Variants in TRPA1 observed in about 807,000 individuals in gnomAD.
TRPA1 encodes the protein ankyrin-like with transmembrane domains 1.
In TRPA1, 129 loss-of-function variants were observed where a neutral mutation model predicts 131.3. The observed-to-expected ratio is 0.98, with a 90% CI of 0.85 to 1.14. The LOEUF is 1.14. Among genes scored for constraint, TRPA1 ranks in the 50% most tolerant of loss-of-function variants. TRPA1 has a pLI of 0.00. For synonymous variants in TRPA1, 441 were observed against 451.7 expected (o/e 0.98, Z 0.30); for missense variants, 1,304 against 1,354.2 (o/e 0.96, Z 0.58).
chr8:72,055,034 C>T lies in TRPA1; in HGVS notation c.1529+402G>A, dbSNP rs541966126. 1.1e-4 allele frequency: 18 copies of T among 164,114 alleles called. No homozygotes were observed. The East Asian group carries it at 3.0e-3, about 27-fold the overall frequency. 10.2% of individuals were successfully genotyped at this position (164,114 alleles called of 1,614,324 possible). Reference sequence around the variant, plus strand: ...TTGAATGAAAAGTAGAGTATTTGAACTTGTATGTTTTGTGTGTGTGTGTAC... The same window carrying T: ...TTGAATGAAAAGTAGAGTATTTGAATTTGTATGTTTTGTGTGTGTGTGTAC... On this transcript the variant is annotated intron_variant, in intron 12 of 26. Coordinates refer to ENST00000262209, the MANE Select transcript of TRPA1 (RefSeq NM_007332.3).
At chr8:72,053,001 T>TAGAGAA (rs1289515157) in intron 13 of TRPA1, 5 of 196,082 alleles carry the variant, frequency 2.5e-5, no homozygotes, top group Non-Finnish European at 4.6e-5. Context: ...GTGTGAGAGA[T>TAGAGAA]AGAGAAAGAG....
chr8:72,084,647 ATTTTT>A, the TRPA1 span, among the ~76,000 whole-genome samples: 1 of 104,984 alleles, frequency 9.5e-6, no homozygotes, highest in African/African-American at 3.7e-5. Context: ...TAAAATGATA[ATTTTT>A]TTTTTTTTTT....
At chr8:72,033,043 G>T (rs916001046) in intron 23 of TRPA1, among the ~76,000 whole-genome samples, 1 of 152,206 alleles carries the variant, frequency 6.6e-6, no homozygotes, top group Non-Finnish European at 1.5e-5. Flanking sequence ...CATGTGGAAG[G>T]GCACTCTAAT....
At chr8:72,024,054 G>T (rs1811494394) in intron 25 of TRPA1, 143 bp from the exon 26 acceptor site, 1 of 632,774 alleles carries the variant, frequency 1.6e-6, no homozygotes, top group Non-Finnish European at 2.9e-6. Context: ...TCTGCTAGGA[G>T]AAAGAGACAT....
rs1380513879 is a variant in TRPA1, at chr8:72,047,218, GAAA to G, written c.1906-14_1906-12del. ...GAAATCTAAAAGTACCTTTGAAAGA[GAAA>G]AACCAGCTAAGATATTGGGGCAGTA... On this transcript the variant is annotated splice_polypyrimidine_tract_variant and intron_variant, in intron 15 of 26. Coordinates refer to ENST00000262209, the MANE Select transcript of TRPA1 (RefSeq NM_007332.3). The G allele has an allele frequency of 1.2e-6, 2 of 1,608,280 alleles. No homozygotes were observed. The highest frequency in any genetic ancestry group is 8.5e-7 in the Non-Finnish European group (1 of 1,175,434).
intron 1 of TRPA1, among the ~76,000 whole-genome samples, chr8:72,074,672 A>G (rs559817659): frequency 3.9e-5 from 6 of 152,174 alleles, no homozygotes; most frequent in Non-Finnish European, 8.8e-5. Flanking sequence ...CGATAACTGC[A>G]TAAGTAATAG....
At chr8:72,036,688 G>A (rs892831163) in intron 20 of TRPA1, among the ~76,000 whole-genome samples, 3 of 152,198 alleles carry the variant, frequency 2.0e-5, no homozygotes, top group Non-Finnish European at 2.9e-5. Flanking sequence ...ATGGGAATCC[G>A]ACGCCTAAGG....
intron 23 of TRPA1, among the ~76,000 whole-genome samples, chr8:72,032,833 A>G (rs542296387): frequency 4.7e-4 from 71 of 152,318 alleles, no homozygotes; most frequent in African/African-American, 1.6e-3. Flanking sequence ...TTCCTTTCCA[A>G]AAGCACTGCC....
chr8:72,071,609 T>G (rs1806061764), intron 2 of TRPA1, 102 bp downstream of exon 2: 1 of 1,327,490 alleles, frequency 7.5e-7, no homozygotes, highest in African/African-American at 1.4e-5. Context: ...AGGCTCTTTA[T>G]AATTAGCACT....
chr8:72,086,210 T>G, the TRPA1 span, among the ~76,000 whole-genome samples: 479 of 152,288 alleles, frequency 3.1e-3, 2 homozygotes, highest in Admixed American at 5.7e-3. Context: ...CCTTGCACAT[T>G]CTACTTTTTC....
At chr8:72,063,006 T>G in intron 5 of TRPA1, 62 bp from the exon 6 acceptor site, 1 of 1,480,982 alleles carries the variant, frequency 6.8e-7, no homozygotes. Context: ...GGAGGTTTTT[T>G]GTTAAAAAAT....
At chr8:72,039,908 C>T (rs576757183) in intron 17 of TRPA1, 111 bp from the exon 18 acceptor site, 2 of 771,398 alleles carry the variant, frequency 2.6e-6, no homozygotes, top group Admixed American at 2.1e-5. Context: ...GTAAAAGTAA[C>T]ACCTATTTTA....
chr8:72,076,360 G>A (rs1806185652), upstream of TRPA1, among the ~76,000 whole-genome samples: 1 of 151,890 alleles, frequency 6.6e-6, no homozygotes, highest in Non-Finnish European at 1.5e-5. Context: ...CGAAGAGGCT[G>A]GTTCTACTTT....
At chr8:72,050,127 T>C (rs959514845) in intron 15 of TRPA1, among the ~76,000 whole-genome samples, 2 of 152,096 alleles carry the variant, frequency 1.3e-5, no homozygotes, top group Non-Finnish European at 2.9e-5. Flanking sequence ...CGGTGTGTGA[T>C]GTTCCCCACC....
chr8:72,057,936 A>G, intron 8 of TRPA1, 120 bp from the exon 9 acceptor site: 1 of 728,482 alleles, frequency 1.4e-6, no homozygotes, highest in Admixed American at 2.2e-5. Flanking sequence ...CTAGCACTGA[A>G]CCATACGACT....
intron 3 of TRPA1, among the ~76,000 whole-genome samples, chr8:72,067,058 A>G (rs1231408369): frequency 1.3e-5 from 2 of 152,238 alleles, no homozygotes; most frequent in African/African-American, 2.4e-5. Flanking sequence ...AGGGAATATT[A>G]TGCATACCAT....
At chr8:72,075,230 CA>C in intron 1 of TRPA1, 68 bp downstream of exon 1, 1 of 1,243,018 alleles carries the variant, frequency 8.0e-7, no homozygotes, top group Non-Finnish European at 1.2e-6. Flanking sequence ...GGGCTGCCCC[CA>C]AGGAAACCTC....
In TRPA1 at chr8:72,038,092, GAC is replaced by G. The variant is rs1224450136; in HGVS notation, c.2296-22_2296-21del. The G allele has an allele frequency of 1.6e-6, 2 of 1,222,632 alleles. No homozygotes were observed. Among genetic ancestry groups the G allele is most frequent in the Admixed American group, 3.5e-5 (2 of 57,652 alleles). The allele number at this position is 1,222,632 out of a possible 1,614,324, so 75.7% of individuals were successfully genotyped here. A position where few individuals can be genotyped will look rare whatever the true frequency, so the allele number is the denominator to read the frequency against. ...TGAATTCTAAAACAAAAAAGGATAA[GAC>G]ACATAGTTATGAGAGATATAAAACA... On this transcript the variant is annotated intron_variant, in intron 19 of 26. Transcript: ENST00000262209.
At chr8:72,027,708 T>G (rs1250109645) in intron 24 of TRPA1, among the ~76,000 whole-genome samples, 1 of 152,206 alleles carries the variant, frequency 6.6e-6, no homozygotes, top group Non-Finnish European at 1.5e-5. Context: ...ACTTGTCCAG[T>G]TCTGCTCACA....
Sources: gnomAD v4.1 joint callset for allele counts (sites outside exome capture counted in the v4.1 genomes callset) on GRCh38, gnomAD v4.1.1 for gene constraint, MANE v1.5 for transcripts, NCBI Gene and HGNC (gene_info 2026-07-23, HGNC 2026-07-21) for gene names.